The following NTRK1 variants were observed in gnomAD, a reference collection of about 807,000 sequenced individuals.
NTRK1 encodes neurotrophic receptor tyrosine kinase 1.
Under a neutral mutation model 86.8 loss-of-function variants are expected in NTRK1, and 62 were observed. The observed-to-expected ratio is 0.71, with a 90% CI of 0.58 to 0.88. The LOEUF (loss-of-function observed/expected upper bound fraction) is 0.88, where lower values mean the gene tolerates loss of function less well. Among genes scored for constraint, NTRK1 ranks in the 40% least tolerant of loss-of-function variants. The pLI is 0.00. For missense variants in NTRK1, 967 were observed against 1,078.4 expected, an observed-to-expected ratio of 0.90 and a Z score of 1.45; for synonymous variants, 469 against 456.6, an observed-to-expected ratio of 1.03 and a Z score of -0.35.
At chr1:156,846,406 G>T in intron 2 of NTRK1, 1 of 888,944 alleles carries the variant, frequency 1.1e-6, no homozygotes, top group Non-Finnish European at 1.7e-6. Flanking sequence ...TGGCCTTCCA[G>T]CCTCTGTGGG....
chr1:156,876,621 C>T (rs777410652), intron 14 of NTRK1, 49 bp downstream of exon 14: 1 of 1,570,300 alleles, frequency 6.4e-7, no homozygotes, highest in Non-Finnish European at 8.6e-7. Flanking sequence ...GCTCTGGGCC[C>T]CGTCTTCCCT....
At chr1:156,851,707 T>C (rs1485077452) in intron 2 of NTRK1, 2 of 1,614,116 alleles carry the variant, frequency 1.2e-6, no homozygotes, top group Non-Finnish European at 1.7e-6. Flanking sequence ...CAAGATCCTG[T>C]GCCGCCTGGA....
At chr1:156,826,461 C>T (rs546812434) in intron 1 of NTRK1, among the ~76,000 whole-genome samples, 10 of 152,032 alleles carry the variant, frequency 6.6e-5, no homozygotes, top group African/African-American at 1.4e-4. Flanking sequence ...CCACTGTGCC[C>T]GGCTAATTTT....
intron 1 of NTRK1, among the ~76,000 whole-genome samples, chr1:156,819,504 TTTTTTA>T (rs55859036): frequency 0.033 from 4,891 of 147,136 alleles, 318 homozygotes; most frequent in African/African-American, 0.11. Flanking sequence ...GGATTATTAT[TTTTTTA>T]TTTTTATTTT....
At chr1:156,822,300 G>GTCCC (rs1468877957) in intron 1 of NTRK1, among the ~76,000 whole-genome samples, 1 of 152,114 alleles carries the variant, frequency 6.6e-6, no homozygotes, top group Non-Finnish European at 1.5e-5. Context: ...CAGTCACAGG[G>GTCCC]TCCCCTTCAA....
At chr1:156,863,391 G>A (rs377471532) in intron 1 of NTRK1, among the ~76,000 whole-genome samples, 1 of 151,498 alleles carries the variant, frequency 6.6e-6, no homozygotes, top group East Asian at 1.9e-4. Flanking sequence ...CACCCTCCTC[G>A]TTGAGCCTTT....
At chr1:156,846,655 T>C (rs758679726) in intron 2 of NTRK1, 1 of 1,614,166 alleles carries the variant, frequency 6.2e-7, no homozygotes, top group Non-Finnish European at 8.5e-7. Context: ...GGGTCACCCC[T>C]GGCTCCTGGG....
intron 10 of NTRK1, 45 bp downstream of exon 10, chr1:156,874,671 G>C (rs1396414547): frequency 1.3e-6 from 2 of 1,576,960 alleles, no homozygotes; most frequent in East Asian, 4.6e-5. Context: ...GGACCGGGAG[G>C]CTGGGTAGAG....
chr1:156,816,140 T>A (rs1377624612), intron 1 of NTRK1: 2 of 1,568,630 alleles, frequency 1.3e-6, no homozygotes, highest in Non-Finnish European at 1.7e-6. Context: ...AGAGGAACTA[T>A]GTCTGTCTCT....
chr1:156,815,854 G>C, intron 1 of NTRK1: 1 of 1,614,130 alleles, frequency 6.2e-7, no homozygotes, highest in Non-Finnish European at 8.5e-7. Flanking sequence ...CCTCATTTTC[G>C]TTCTCTCTCT....
chr1:156,827,089 C>A (rs1654336953), intron 1 of NTRK1, among the ~76,000 whole-genome samples: 3 of 151,696 alleles, frequency 2.0e-5, no homozygotes. Context: ...TTCTTTATTT[C>A]TTTATTTTTT....
intron 1 of NTRK1, among the ~76,000 whole-genome samples, chr1:156,832,797 C>T (rs142547810): frequency 5.8e-4 from 88 of 152,346 alleles, no homozygotes; most frequent in African/African-American, 2.1e-3. Flanking sequence ...TTATGGTGCT[C>T]TTGTAGCATT....
chr1:156,875,841 C>A, intron 12 of NTRK1, 175 bp downstream of exon 12: 1 of 1,122,404 alleles, frequency 8.9e-7, no homozygotes, highest in Non-Finnish European at 1.3e-6. Flanking sequence ...TCCAGCCTGG[C>A]TCTTAGCTGC....
rs763940977 is a variant in NTRK1 at position 156,873,927 on chromosome 1, C to A, written c.1145C>A (p.Pro382His). Reference sequence around the variant, plus strand: ...ATCATGGCTGCCTTCATGGACAACCCTTTCGAGTTCAACCCCGAGGACCCC... The same window carrying A: ...ATCATGGCTGCCTTCATGGACAACCATTTCGAGTTCAACCCCGAGGACCCC... ...ASIMAAFMDN[P>H]FEFNPEDPIP... The change falls in exon 8 of 17, where the codon CCT becomes CAT. Residue 382 changes from proline (P) to histidine (H), a missense_variant. Physicochemically the swap from Pro to His is moderately conservative, Grantham distance 77 (BLOSUM62 -2). This residue lies in a region of NTRK1 where 637 missense variants were observed against 776.5 expected (regional missense o/e 0.82). Coordinates refer to ENST00000524377, the MANE Select transcript of NTRK1 (RefSeq NM_002529.4). The A allele has an allele frequency of 1.3e-6, 2 of 1,558,848 alleles. No homozygotes were observed. The highest frequency in any genetic ancestry group is 2.4e-5 in the South Asian group (2 of 84,800).
At chr1:156,840,968 C>G in intron 1 of NTRK1, 1 of 1,613,826 alleles carries the variant, frequency 6.2e-7, no homozygotes, top group Non-Finnish European at 8.5e-7. Flanking sequence ...CCCCGGGCCC[C>G]CCGGCATTCC....
intron 2 of NTRK1, chr1:156,845,792 G>A (rs1654980077): frequency 6.2e-7 from 1 of 1,612,650 alleles, no homozygotes; most frequent in Non-Finnish European, 8.5e-7. Flanking sequence ...GCGGATCGTT[G>A]TTGCTGGTGG....
At chr1:156,849,212 C>T (rs1015164149) in intron 2 of NTRK1, 2 of 1,609,836 alleles carry the variant, frequency 1.2e-6, no homozygotes, top group South Asian at 1.1e-5. Flanking sequence ...AGTGTGTGGC[C>T]GCGTGTCCAC....
chr1:156,846,881 T>G, intron 2 of NTRK1: 2 of 761,654 alleles, frequency 2.6e-6, no homozygotes, highest in Non-Finnish European at 4.4e-6. Flanking sequence ...AAGCCATGAC[T>G]CCAGCCACCT....
At chr1:156,857,566 A>G (rs1655454024), upstream of NTRK1, among the ~76,000 whole-genome samples, 1 of 152,154 alleles carries the variant, frequency 6.6e-6, no homozygotes, top group Non-Finnish European at 1.5e-5. Flanking sequence ...TGTGCAGAAG[A>G]GGAGGGGGTT....
Sources: allele counts gnomAD v4.1 joint callset (sites outside exome capture counted in the v4.1 genomes callset), GRCh38; gene constraint gnomAD v4.1.1; regional missense constraint gnomAD v4.1.1; transcripts MANE v1.5; gene names NCBI Gene and HGNC (gene_info 2026-07-23, HGNC 2026-07-21).